SLC23A2: variants seen among roughly 807,000 people sequenced by gnomAD.
SLC23A2 encodes Na(+)/L-ascorbic acid transporter 2.
In SLC23A2, 36 loss-of-function variants were observed where a neutral mutation model predicts 73.3. That is an observed-to-expected ratio of 0.49 (90% CI 0.38 to 0.65). The LOEUF is 0.65. Among genes scored for constraint, SLC23A2 ranks in the 30% least tolerant of loss-of-function variants. SLC23A2 has a pLI of 0.00. For missense variants in SLC23A2, 507 were observed against 841.6 expected (o/e 0.60, Z 4.92); for synonymous variants, 343 against 327.3 (o/e 1.05, Z -0.52).
At chr20:4,917,794 G>A (rs76723660) in intron 3 of SLC23A2, among the ~76,000 whole-genome samples, 2,138 of 152,150 alleles carry the variant, frequency 0.014, 54 homozygotes, top group African/African-American at 0.047. Context: ...GTAATAAGAC[G>A]GGGACACCAG....
chr20:4,896,020 C>T (rs1360771798), intron 6 of SLC23A2, among the ~76,000 whole-genome samples: 1 of 152,166 alleles, frequency 6.6e-6, no homozygotes, highest in East Asian at 1.9e-4. Flanking sequence ...GTAGCCTGGC[C>T]TCGTCTGGCC....
intron 11 of SLC23A2, among the ~76,000 whole-genome samples, 182 bp from the exon 12 acceptor site, chr20:4,870,235 G>A (rs2122793900): frequency 6.6e-6 from 1 of 152,306 alleles, no homozygotes; most frequent in Non-Finnish European, 1.5e-5. Context: ...TGCTAAGTCA[G>A]ATGAAGGCGG....
chr20:4,976,149 G>A (rs781574645), intron 1 of SLC23A2, among the ~76,000 whole-genome samples: 27 of 151,292 alleles, frequency 1.8e-4, no homozygotes, highest in African/African-American at 6.3e-4. Flanking sequence ...CACCACGCCC[G>A]GCCAAGAGTT....
chr20:4,979,581 AT>A (rs1224966716), intron 1 of SLC23A2, among the ~76,000 whole-genome samples: 1 of 152,132 alleles, frequency 6.6e-6, no homozygotes, highest in African/African-American at 2.4e-5. Flanking sequence ...ATATTAAAAT[AT>A]AGAGACAATA....
intron 6 of SLC23A2, among the ~76,000 whole-genome samples, chr20:4,895,878 A>G (rs1256758509): frequency 1.3e-5 from 2 of 152,200 alleles, no homozygotes; most frequent in African/African-American, 4.8e-5. Flanking sequence ...TCTGGCTGCC[A>G]ACCTTGCTCT....
At chr20:4,996,505 G>A (rs2088022378) in intron 1 of SLC23A2, among the ~76,000 whole-genome samples, 1 of 151,922 alleles carries the variant, frequency 6.6e-6, no homozygotes, top group South Asian at 2.1e-4. Flanking sequence ...GGCCAACATG[G>A]TGAAACACCA....
chr20:4,895,667 CAT>C (rs1931491227), intron 6 of SLC23A2, among the ~76,000 whole-genome samples: 1 of 152,152 alleles, frequency 6.6e-6, no homozygotes, highest in African/African-American at 2.4e-5. Context: ...ATGCTGTAAA[CAT>C]ATCTCTATCC....
intron 1 of SLC23A2, among the ~76,000 whole-genome samples, chr20:4,980,585 G>A (rs2087711059): frequency 6.6e-6 from 1 of 150,460 alleles, no homozygotes; most frequent in Non-Finnish European, 1.5e-5. Flanking sequence ...AGGCTAGACT[G>A]CAGTGGCACA....
chr20:4,928,667 T>A, intron 3 of SLC23A2, among the ~76,000 whole-genome samples: 1 of 152,242 alleles, frequency 6.6e-6, no homozygotes, highest in East Asian at 1.9e-4. Context: ...CTTCCCCTTT[T>A]AAGGCTTCCT....
At chr20:5,000,222 C>T (rs1310554225) in intron 1 of SLC23A2, among the ~76,000 whole-genome samples, 1 of 152,120 alleles carries the variant, frequency 6.6e-6, no homozygotes, top group Non-Finnish European at 1.5e-5. Context: ...GGGAGGCAGG[C>T]AACGTCACCT....
chr20:4,977,466 A>G (rs1300958968), intron 1 of SLC23A2, among the ~76,000 whole-genome samples: 1 of 152,040 alleles, frequency 6.6e-6, no homozygotes, highest in Non-Finnish European at 1.5e-5. Context: ...AGGTGGGCAG[A>G]TCACGAGGTC....
Position 4,902,139 on chromosome 20 carries a change from G to A in SLC23A2, c.324+303C>T, listed in dbSNP as rs542491190. On this transcript the variant is annotated intron_variant, in intron 5 of 16. Coordinates refer to ENST00000338244, the MANE Select transcript of SLC23A2 (RefSeq NM_005116.6). This position sits in a 1 kb window ranked among gnomAD's most constrained non-coding sequence, Gnocchi z 4.0. ...CTGCCTCAGCCTCTTGAGTAGCTGG[G>A]ACTGTGGGCACACACCACCACACAT... 2.6e-4 allele frequency among the ~76,000 whole-genome samples: 40 copies of A among 152,114 alleles called. No individual in the cohort carries two copies. Among genetic ancestry groups the A allele is most frequent in the African/African-American group, 4.3e-4 (18 of 41,436 alleles).
Position 4,863,136 on chromosome 20 carries a change from C to T in SLC23A2, c.1357-229G>A, listed in dbSNP as rs977956371. 3.9e-5 allele frequency among the ~76,000 whole-genome samples: 6 copies of T among 152,170 alleles called. No individual in the cohort carries two copies. Among genetic ancestry groups the T allele is most frequent in the African/African-American group, 7.2e-5 (3 of 41,430 alleles). On this transcript the variant is annotated intron_variant, in intron 13 of 16. Coordinates refer to ENST00000338244, the MANE Select transcript of SLC23A2 (RefSeq NM_005116.6). This position sits in a 1 kb window ranked among gnomAD's most constrained non-coding sequence, Gnocchi z 4.8. The stretch of plus-strand genomic sequence containing the variant: ...AGGCCTCAGGGCTCTACTGCCCTGG[C>T]ACAGTCATGGGTTGGGATGGCCGTC...
intron 2 of SLC23A2, among the ~76,000 whole-genome samples, chr20:4,942,798 A>C (rs1188084338): frequency 6.6e-6 from 1 of 152,198 alleles, no homozygotes; most frequent in Non-Finnish European, 1.5e-5. Flanking sequence ...CGAAAGAACC[A>C]CCAAATCCTA....
At position 4,853,350 on chromosome 20, in the gene SLC23A2, A is replaced by G. The variant is rs1262504413; in HGVS notation, c.*3622T>C. ...CTGCTACTGCTCCATATTCACCTTC[A>G]ATCTGGCCTGGCCACTCCCATGGCA... is the stretch of plus-strand genomic sequence containing the variant. On this transcript the variant is annotated 3_prime_UTR_variant, in exon 17 of 17. Coordinates refer to ENST00000338244, the MANE Select transcript of SLC23A2 (RefSeq NM_005116.6). 1.3e-5 allele frequency: 2 copies of G among 152,570 alleles called. No homozygotes were observed. Among genetic ancestry groups the G allele is most frequent in the African/African-American group, 4.8e-5 (2 of 41,416 alleles). 9.5% of individuals were successfully genotyped at this position (152,570 alleles called of 1,614,324 possible). A position where few individuals can be genotyped will look rare whatever the true frequency, so the allele number is the denominator to read the frequency against.
At position 4,947,211 on chromosome 20, in the gene SLC23A2, A is replaced by G. The variant is rs1337588756; in HGVS notation, c.-154-14495T>C. 2.0e-5 allele frequency among the ~76,000 whole-genome samples: 3 copies of G among 152,184 alleles called. No individual in the cohort carries two copies. The highest frequency in any genetic ancestry group is 4.4e-5 in the Non-Finnish European group (3 of 68,040). On this transcript the variant is annotated intron_variant, in intron 2 of 16. Coordinates refer to ENST00000338244, the MANE Select transcript of SLC23A2 (RefSeq NM_005116.6). The surrounding 1 kb of genome is among the most constrained non-coding windows in gnomAD (Gnocchi z 4.4). ...GATGGCAGCAGGGACACAGTGTCCA[A>G]TGCATAAAAGGCATTCAAATACTTG...
chr20:4,909,170 T>C (rs1198404758), intron 4 of SLC23A2, among the ~76,000 whole-genome samples: 1 of 152,212 alleles, frequency 6.6e-6, no homozygotes, highest in Non-Finnish European at 1.5e-5. Context: ...TTGAAAATGC[T>C]TGGAACCCAA....
intron 1 of SLC23A2, 83 bp downstream of exon 1, chr20:5,001,323 C>T (rs868761358): frequency 4.8e-5 from 7 of 146,356 alleles, no homozygotes; most frequent in Non-Finnish European, 9.1e-5. Context: ...AGGCCGGCCT[C>T]GTGGGCGCGG....
At chr20:4,962,245 C>A (rs973817394) in intron 2 of SLC23A2, among the ~76,000 whole-genome samples, 2 of 126,198 alleles carry the variant, frequency 1.6e-5, no homozygotes, top group African/African-American at 5.5e-5. Flanking sequence ...GTTCAACCAC[C>A]CCCGCCCCAA....
Sources: gnomAD v4.1 joint callset for allele counts (sites outside exome capture counted in the v4.1 genomes callset) on GRCh38, gnomAD v4.1.1 for gene constraint, Gnocchi (gnomAD v3.1) non-coding constraint, MANE v1.5 for transcripts, NCBI Gene and HGNC (gene_info 2026-07-23, HGNC 2026-07-21) for gene names.